FAAH2: variants seen among roughly 807,000 people sequenced by gnomAD.
FAAH2 encodes the protein fatty-acid amide hydrolase 2.
Under a neutral mutation model 36.9 loss-of-function variants are expected in FAAH2, and 60 were observed. The ratio of observed to expected loss-of-function variants is 1.63; its 90% CI spans 1.32 to 2.02. The LOEUF is 2.02. FAAH2 is among the 30% of genes most tolerant of loss of function. The probability of loss-of-function intolerance (pLI) is 0.00; values close to 1 mark genes in which losing one functional copy is unlikely to be tolerated. For synonymous variants in FAAH2, 214 were observed against 143.8 expected, an observed-to-expected ratio of 1.49 and a Z score of -3.49; for missense variants, 689 against 397.5, an observed-to-expected ratio of 1.73 and a Z score of -6.23.
chrX:57,392,818 G>C (rs376524115), intron 7 of FAAH2: 15 of 663,111 alleles, frequency 2.3e-5, no homozygotes, highest in African/African-American at 1.1e-4. Context: ...ACACCTTTTC[G>C]CTCTGGGTTG....
chrX:57,451,118 G>A (rs983127676), intron 10 of FAAH2, among the ~76,000 whole-genome samples: 1 of 111,362 alleles, frequency 9.0e-6, no homozygotes, highest in African/African-American at 3.3e-5. Context: ...GATAATATAC[G>A]AACTGGGACT....
intron 10 of FAAH2, among the ~76,000 whole-genome samples, chrX:57,484,278 G>T (rs2057434309): frequency 9.0e-6 from 1 of 110,827 alleles, no homozygotes; most frequent in Non-Finnish European, 1.9e-5. Flanking sequence ...ACTGTGGCTG[G>T]GGAGACACAC....
At chrX:57,301,236 G>T (rs1602204320) in intron 2 of FAAH2, among the ~76,000 whole-genome samples, 2 of 110,259 alleles carry the variant, frequency 1.8e-5, no homozygotes, top group African/African-American at 6.6e-5. Context: ...TGATAGACTG[G>T]ATTGAGAAAA....
intron 7 of FAAH2, among the ~76,000 whole-genome samples, chrX:57,404,069 T>A (rs771512498): frequency 3.9e-4 from 44 of 112,463 alleles, no homozygotes; most frequent in African/African-American, 8.7e-4. Flanking sequence ...TGCTACAGAA[T>A]GAATGCATTT....
chrX:57,441,902 C>T (rs1294898623), intron 8 of FAAH2, among the ~76,000 whole-genome samples: 1 of 111,535 alleles, frequency 9.0e-6, no homozygotes, highest in African/African-American at 3.3e-5. Flanking sequence ...GTTCAGTTTC[C>T]ATATGGTAGA....
the FAAH2 span, among the ~76,000 whole-genome samples, chrX:57,257,963 A>T: frequency 8.9e-6 from 1 of 112,221 alleles, no homozygotes; most frequent in Non-Finnish European, 1.9e-5. Context: ...CAGAAATAGA[A>T]AAAAATTAAA....
chrX:57,432,302 A>T (rs1247420814), intron 8 of FAAH2, among the ~76,000 whole-genome samples: 1 of 111,475 alleles, frequency 9.0e-6, no homozygotes, highest in Admixed American at 9.6e-5. Context: ...ATCTTGAATG[A>T]TTTGGAAACC....
At chrX:57,353,144 G>A (rs1448557324) in intron 5 of FAAH2, among the ~76,000 whole-genome samples, 1 of 109,639 alleles carries the variant, frequency 9.1e-6, no homozygotes. Flanking sequence ...TAACTAAAGT[G>A]TTCCTGAGCA....
chrX:57,341,186 G>T, intron 4 of FAAH2, 85 bp from the exon 5 acceptor site: 1 of 1,014,059 alleles, frequency 9.9e-7, no homozygotes, highest in Non-Finnish European at 1.3e-6. Flanking sequence ...ACACAAAAAG[G>T]TTGAAAGTGA....
At chrX:57,485,937 C>T (rs1202648499) in intron 10 of FAAH2, among the ~76,000 whole-genome samples, 1 of 111,755 alleles carries the variant, frequency 8.9e-6, no homozygotes, top group East Asian at 2.8e-4. Context: ...GATAGCAACC[C>T]TGGACAGCTG....
At chrX:57,261,115 T>C in the FAAH2 span, among the ~76,000 whole-genome samples, 1,137 of 111,769 alleles carry the variant, frequency 0.01, 18 homozygotes, top group Admixed American at 0.054. Flanking sequence ...CTTGTAATTA[T>C]AAAAACGTGA....
chrX:57,161,277 C>T, the FAAH2 span, among the ~76,000 whole-genome samples: 3 of 111,394 alleles, frequency 2.7e-5, no homozygotes, highest in Admixed American at 2.9e-4. Flanking sequence ...GCTTTGCTTC[C>T]AACTATGTGG....
chrX:57,123,064 A>T, the FAAH2 span, among the ~76,000 whole-genome samples: 1 of 111,261 alleles, frequency 9.0e-6, no homozygotes, highest in African/African-American at 3.3e-5. Flanking sequence ...CAGGTTAGTT[A>T]CATGTGTATA....
the FAAH2 span, among the ~76,000 whole-genome samples, chrX:57,271,039 G>A: frequency 8.9e-6 from 1 of 112,343 alleles, no homozygotes; most frequent in Admixed American, 9.4e-5. Flanking sequence ...CTGGCTTGGT[G>A]AGTCCCATCC....
the FAAH2 span, among the ~76,000 whole-genome samples, chrX:57,275,537 T>C: frequency 8.9e-6 from 1 of 112,473 alleles, no homozygotes; most frequent in Non-Finnish European, 1.9e-5. Flanking sequence ...AATAACCAGC[T>C]GACATCATAA....
At chrX:57,220,495 G>A in the FAAH2 span, among the ~76,000 whole-genome samples, 2 of 111,428 alleles carry the variant, frequency 1.8e-5, no homozygotes, top group Admixed American at 1.9e-4. Context: ...CACCCCCAAT[G>A]TTTGGCTCAA....
chrX:57,133,969 G>A, the FAAH2 span, among the ~76,000 whole-genome samples: 8 of 111,418 alleles, frequency 7.2e-5, no homozygotes, highest in Admixed American at 3.8e-4. Flanking sequence ...TATGCATGGA[G>A]TTACGGTAAC....
At chrX:57,383,546 C>T (rs1010992140) in intron 7 of FAAH2, among the ~76,000 whole-genome samples, 1 of 111,460 alleles carries the variant, frequency 9.0e-6, no homozygotes, top group Non-Finnish European at 1.9e-5. Flanking sequence ...AACAGAGAAC[C>T]AAATCATGAG....
chrX:57,417,086 T>C (rs2055864997), intron 7 of FAAH2, among the ~76,000 whole-genome samples: 1 of 112,193 alleles, frequency 8.9e-6, no homozygotes, highest in Non-Finnish European at 1.9e-5. Context: ...GTCAGATCAT[T>C]TATGTTCTTC....
Sources: allele counts gnomAD v4.1 joint callset (sites outside exome capture counted in the v4.1 genomes callset), GRCh38; gene constraint gnomAD v4.1.1; transcripts MANE v1.5; gene names NCBI Gene and HGNC (gene_info 2026-07-23, HGNC 2026-07-21).